Variants in ATG4C observed in about 807,000 individuals in gnomAD.
ATG4C encodes cysteine protease ATG4C.
Under a neutral mutation model 57.6 loss-of-function variants are expected in ATG4C, and 56 were observed. The ratio of observed to expected loss-of-function variants is 0.97; its 90% CI spans 0.78 to 1.21. ATG4C has a LOEUF of 1.21. ATG4C is among the 50% of genes most tolerant of loss of function. The pLI, the probability that ATG4C is intolerant of heterozygous loss-of-function variation, is 0.00. For missense variants in ATG4C, 595 were observed against 529.8 expected, an observed-to-expected ratio of 1.12 and a Z score of -1.21; for synonymous variants, 157 against 174.1, an observed-to-expected ratio of 0.90 and a Z score of 0.78.
rs113483728 is a variant in ATG4C, at chr1:62,864,113, A to G, written c.1331A>G (p.Lys444Arg). 299 of 1,608,198 alleles carry G rather than the reference A, an allele frequency of 1.9e-4. No homozygotes were observed. The African/African-American group carries it at 3.5e-3, about 19-fold the overall frequency. Residue 444 changes from lysine to arginine, a missense_variant, in exon 11 of 11, where the codon AAG (lysine) becomes AGG (arginine). By Grantham distance (26) the Lys-to-Arg change is conservative (BLOSUM62 2). Coordinates refer to ENST00000317868, the MANE Select transcript of ATG4C (RefSeq NM_032852.4). ...NEEDLFSEDE[K>R]KQLKRFSTEE... ...GAAGACCTTTTTTCAGAGGATGAAA[A>G]GAAACAATTAAAAAGATTTAGCACG...
chr1:62,865,396 A>C lies in ATG4C; in HGVS notation c.*1237A>C, dbSNP rs931808024. The C allele has an allele frequency of 2.6e-5, 4 of 151,922 alleles. No homozygotes were observed. The highest frequency in any genetic ancestry group is 2.6e-4 in the Admixed American group (4 of 15,226). The allele number at this position is 151,922 out of a possible 1,614,324, so 9.4% of individuals were successfully genotyped here. On this transcript the variant is annotated 3_prime_UTR_variant, in exon 11 of 11. Transcript: ENST00000317868. The stretch of plus-strand genomic sequence containing the variant: ...AGAAAACCTGTTTGTTTAGAGTTGC[A>C]TGTAAAGCTGAAAGAGAGGGTGGGC...
chr1:62,795,888 A>C (rs899096699), intron 1 of ATG4C, among the ~76,000 whole-genome samples: 1 of 152,064 alleles, frequency 6.6e-6, no homozygotes, highest in Non-Finnish European at 1.5e-5. Context: ...TTTTAAAGAA[A>C]TAATTCATAA....
At chr1:62,847,641 G>T (rs745453730) in intron 10 of ATG4C, among the ~76,000 whole-genome samples, 6 of 152,126 alleles carry the variant, frequency 3.9e-5, no homozygotes, top group Non-Finnish European at 8.8e-5. Flanking sequence ...AATCATAATG[G>T]ACCTAATAGA....
At chr1:62,839,437 G>A (rs1666100889) in intron 9 of ATG4C, among the ~76,000 whole-genome samples, 1 of 152,164 alleles carries the variant, frequency 6.6e-6, no homozygotes, top group African/African-American at 2.4e-5. Context: ...ATTAGACCAT[G>A]TACAAGCTTT....
At chr1:62,821,329 T>G (rs1665476123) in intron 6 of ATG4C, 120 bp downstream of exon 6, 1 of 547,130 alleles carries the variant, frequency 1.8e-6, no homozygotes, top group East Asian at 3.4e-5. Context: ...TTATACATTT[T>G]TGTTCCTAAA....
In ATG4C at chr1:62,864,120, A is replaced by G. The variant is rs1213901265; in HGVS notation, c.1338A>G (p.Gln446=). The G allele has an allele frequency of 9.3e-6, 15 of 1,607,390 alleles. No individual in the cohort carries two copies. Among genetic ancestry groups the G allele is most frequent in the African/African-American group, 1.3e-5 (1 of 74,516 alleles). The part of the protein sequence containing the change: ...EDLFSEDEKK[Q]LKRFSTEEFV... Reference sequence around the variant, plus strand: ...TTTTTTCAGAGGATGAAAAGAAACAATTAAAAAGATTTAGCACGGAAGAGT... The same window carrying G: ...TTTTTTCAGAGGATGAAAAGAAACAGTTAAAAAGATTTAGCACGGAAGAGT... The change falls in exon 11 of 11, where the codon CAA becomes CAG. Residue 446 remains glutamine (Q), a synonymous_variant. Transcript: ENST00000317868.
At chr1:62,809,411 GTATA>G in intron 3 of ATG4C, among the ~76,000 whole-genome samples, 1 of 146,316 alleles carries the variant, frequency 6.8e-6, no homozygotes, top group African/African-American at 2.5e-5. Flanking sequence ...ATACATATGT[GTATA>G]TAAACACACA....
intron 6 of ATG4C, among the ~76,000 whole-genome samples, chr1:62,827,654 A>AT (rs929222985): frequency 2.6e-5 from 4 of 151,826 alleles, no homozygotes; most frequent in Admixed American, 2.0e-4. Flanking sequence ...TCAGGTAGGT[A>AT]TTTTTTTTAA....
At chr1:62,831,793 T>A (rs939110376) in intron 7 of ATG4C, among the ~76,000 whole-genome samples, 5 of 152,222 alleles carry the variant, frequency 3.3e-5, no homozygotes, top group Non-Finnish European at 7.3e-5. Context: ...TAGCTCCTAA[T>A]CTGCTTCTAA....
In ATG4C at chr1:62,800,704, C is replaced by T. The variant is rs192868029; in HGVS notation, c.-68-3015C>T. ...AAAAATTCTAATTCTGGTGAGAGTGCTGCTAGTGATATACCTATATTTCAT... is the reference window on the plus strand; with the variant it reads ...AAAAATTCTAATTCTGGTGAGAGTGTTGCTAGTGATATACCTATATTTCAT... On this transcript the variant is annotated intron_variant, in intron 1 of 10. Transcript: ENST00000317868. Among the ~76,000 whole-genome samples, 497 of 152,174 alleles carry T rather than the reference C, an allele frequency of 3.3e-3. 2 individuals are homozygous for T. Among genetic ancestry groups the T allele is most frequent in the Non-Finnish European group, 6.0e-3 (409 of 68,008 alleles).
intron 10 of ATG4C, among the ~76,000 whole-genome samples, chr1:62,843,014 G>A (rs1334629533): frequency 6.6e-6 from 1 of 151,964 alleles, no homozygotes; most frequent in Admixed American, 6.6e-5. Context: ...TGATGTTGAT[G>A]AACATTTTCC....
At chr1:62,784,444 A>G (rs180826911) in intron 1 of ATG4C, among the ~76,000 whole-genome samples, 171 bp downstream of exon 1, 2 of 151,986 alleles carry the variant, frequency 1.3e-5, no homozygotes, top group Admixed American at 1.3e-4. Context: ...TTCTAGTGTC[A>G]TTTGTCTTCT....
At chr1:62,810,611 A>C (rs1208940708) in intron 3 of ATG4C, among the ~76,000 whole-genome samples, 1 of 152,010 alleles carries the variant, frequency 6.6e-6, no homozygotes, top group Non-Finnish European at 1.5e-5. Context: ...AACCACATAA[A>C]TCTTACGAAA....
chr1:62,861,131 T>G (rs1365639307), intron 10 of ATG4C, among the ~76,000 whole-genome samples: 1 of 152,234 alleles, frequency 6.6e-6, no homozygotes, highest in Non-Finnish European at 1.5e-5. Context: ...CTAAAGTTGT[T>G]GAGCAAACCA....
At chr1:62,836,206 A>G (rs1191674437) in intron 9 of ATG4C, among the ~76,000 whole-genome samples, 2 of 152,118 alleles carry the variant, frequency 1.3e-5, no homozygotes, top group Admixed American at 1.3e-4. Context: ...CAACACTCCA[A>G]GAGGGAGTTA....
chr1:62,813,227 C>CA (rs1665147576), intron 3 of ATG4C, among the ~76,000 whole-genome samples: 1 of 151,918 alleles, frequency 6.6e-6, no homozygotes, highest in Non-Finnish European at 1.5e-5. Context: ...AACTATACTA[C>CA]AGGGCTACAG....
intron 10 of ATG4C, among the ~76,000 whole-genome samples, chr1:62,846,662 G>A (rs1280170568): frequency 1.3e-5 from 2 of 152,100 alleles, no homozygotes; most frequent in African/African-American, 4.8e-5. Context: ...CAAAGCCTTG[G>A]ATTATTCTTA....
rs199613174 is a variant in ATG4C, at chr1:62,864,195, A to C, written c.*36A>C. On this transcript the variant is annotated 3_prime_UTR_variant, in exon 11 of 11. Transcript: ENST00000317868. ...ATTTGTGCTTGATAAGAAGAATTCC[A>C]TTGAAAGGGGAAAAATGAAGAGAAA... The C allele has an allele frequency of 2.2e-4, 343 of 1,527,560 alleles. 1 individual carries two copies. The African/African-American group carries it at 4.5e-3, about 20-fold the overall frequency. 94.6% of individuals were successfully genotyped at this position (1,527,560 alleles called of 1,614,324 possible).
chr1:62,845,636 T>C (rs1666305016), intron 10 of ATG4C, among the ~76,000 whole-genome samples: 2 of 152,204 alleles, frequency 1.3e-5, no homozygotes, highest in African/African-American at 4.8e-5. Flanking sequence ...CATAAACATA[T>C]TCTCCTATAC....
Sources: gnomAD v4.1 joint callset for allele counts (sites outside exome capture counted in the v4.1 genomes callset) on GRCh38, gnomAD v4.1.1 for gene constraint, MANE v1.5 for transcripts, NCBI Gene and HGNC (gene_info 2026-07-23, HGNC 2026-07-21) for gene names.